PTPRR: variants seen among roughly 807,000 people sequenced by gnomAD.
The protein encoded by PTPRR is protein tyrosine phosphatase receptor type R.
Under a neutral mutation model 77.2 loss-of-function variants are expected in PTPRR, and 38 were observed. The observed-to-expected ratio is 0.49, with a 90% confidence interval of 0.38 to 0.65. The LOEUF (loss-of-function observed/expected upper bound fraction) is 0.65. PTPRR is among the 30% of genes least tolerant of loss of function. PTPRR has a pLI of 0.00. For missense variants in PTPRR, 744 were observed against 799.2 expected (o/e 0.93, Z 0.83); for synonymous variants, 299 against 283.1 (o/e 1.06, Z -0.57).
At chr12:70,751,168 C>T (rs369925529) in intron 5 of PTPRR, among the ~76,000 whole-genome samples, 1 of 152,186 alleles carries the variant, frequency 6.6e-6, no homozygotes, top group South Asian at 2.1e-4. Flanking sequence ...ACGTGTCCCT[C>T]TCCCAGGAAA....
At chr12:70,795,574 T>G (rs551397797) in intron 2 of PTPRR, among the ~76,000 whole-genome samples, 9 of 152,370 alleles carry the variant, frequency 5.9e-5, no homozygotes, top group Non-Finnish European at 1.2e-4. Flanking sequence ...TCATTTATTA[T>G]TTATACAGTC....
chr12:70,701,766 A>C (rs1004055626), intron 6 of PTPRR, among the ~76,000 whole-genome samples: 2 of 152,050 alleles, frequency 1.3e-5, no homozygotes, highest in South Asian at 2.1e-4. Context: ...TGAGTTCAGG[A>C]GTTCAAGACC....
chr12:70,877,246 A>G (rs2137099217), intron 2 of PTPRR, among the ~76,000 whole-genome samples: 1 of 152,250 alleles, frequency 6.6e-6, no homozygotes, highest in Middle Eastern at 3.4e-3. Context: ...ACTTAAACTG[A>G]AGTGTGAAGG....
intron 10 of PTPRR, among the ~76,000 whole-genome samples, chr12:70,678,290 C>T (rs1887525044): frequency 6.6e-6 from 1 of 152,204 alleles, no homozygotes; most frequent in African/African-American, 2.4e-5. Context: ...ATCTGGCTGC[C>T]TCGGCCTGCC....
intron 2 of PTPRR, among the ~76,000 whole-genome samples, chr12:70,873,996 G>A (rs1194344012): frequency 6.6e-6 from 1 of 152,034 alleles, no homozygotes; most frequent in African/African-American, 2.4e-5. Flanking sequence ...GTGCTAAGTG[G>A]GTTCTGAGGC....
intron 10 of PTPRR, chr12:70,672,367 A>G (rs1282983046): frequency 2.9e-6 from 4 of 1,368,572 alleles, no homozygotes; most frequent in African/African-American, 2.9e-5. Flanking sequence ...TGGTCCTCCC[A>G]TCAGAGAGCC....
chr12:70,737,319 C>T (rs887445390), intron 6 of PTPRR, among the ~76,000 whole-genome samples: 3 of 151,992 alleles, frequency 2.0e-5, no homozygotes, highest in Non-Finnish European at 4.4e-5. Context: ...TAATAAGCTT[C>T]CCCTGAGAGC....
At chr12:70,669,990 A>G (rs1887159638) in intron 10 of PTPRR, among the ~76,000 whole-genome samples, 1 of 152,160 alleles carries the variant, frequency 6.6e-6, no homozygotes, top group Non-Finnish European at 1.5e-5. Flanking sequence ...ATTTTCTATA[A>G]TTTTAGCAGA....
chr12:70,703,386 A>G (rs1888503738), intron 6 of PTPRR, among the ~76,000 whole-genome samples: 1 of 152,122 alleles, frequency 6.6e-6, no homozygotes, highest in East Asian at 1.9e-4. Context: ...GATGCTCATA[A>G]AATCCTGCCT....
intron 8 of PTPRR, among the ~76,000 whole-genome samples, chr12:70,693,308 G>A (rs1339099725): frequency 6.6e-6 from 1 of 151,960 alleles, no homozygotes; most frequent in African/African-American, 2.4e-5. Flanking sequence ...ATTCAGAGAG[G>A]GGAGTCTCAC....
chr12:70,730,966 G>T (rs1247168419), intron 6 of PTPRR, among the ~76,000 whole-genome samples: 2 of 149,198 alleles, frequency 1.3e-5, no homozygotes, highest in Non-Finnish European at 3.0e-5. Flanking sequence ...AAAGAGAGAG[G>T]AAGTGAGGAG....
At chr12:70,852,651 G>GT (rs1453935493) in intron 2 of PTPRR, among the ~76,000 whole-genome samples, 1 of 152,188 alleles carries the variant, frequency 6.6e-6, no homozygotes, top group Non-Finnish European at 1.5e-5. Context: ...AGAAGAGGCA[G>GT]TATTAGTGTG....
At chr12:70,771,602 T>C (rs775508003) in intron 2 of PTPRR, among the ~76,000 whole-genome samples, 2 of 152,202 alleles carry the variant, frequency 1.3e-5, no homozygotes, top group Non-Finnish European at 2.9e-5. Flanking sequence ...TTTGTCTAGT[T>C]ATAATAAAAA....
At chr12:70,702,183 C>T (rs1179049215) in intron 6 of PTPRR, among the ~76,000 whole-genome samples, 1 of 152,022 alleles carries the variant, frequency 6.6e-6, no homozygotes, top group East Asian at 1.9e-4. Context: ...CGCTGGGGGG[C>T]AAGGGGATGC....
intron 2 of PTPRR, among the ~76,000 whole-genome samples, chr12:70,828,327 T>G (rs1892152476): frequency 6.6e-6 from 1 of 152,196 alleles, no homozygotes; most frequent in Admixed American, 6.5e-5. Flanking sequence ...TTTTGGTTCT[T>G]CAGCCCCTGA....
intron 2 of PTPRR, among the ~76,000 whole-genome samples, chr12:70,787,985 C>T (rs943141061): frequency 6.6e-6 from 1 of 152,104 alleles, no homozygotes; most frequent in Non-Finnish European, 1.5e-5. Flanking sequence ...TATTTTTAAT[C>T]TTTGTTGTCC....
intron 10 of PTPRR, among the ~76,000 whole-genome samples, chr12:70,677,704 A>G (rs1286291463): frequency 2.0e-5 from 3 of 152,188 alleles, no homozygotes; most frequent in African/African-American, 4.8e-5. Context: ...GTGATGTATC[A>G]TATTTATTAG....
intron 11 of PTPRR, among the ~76,000 whole-genome samples, chr12:70,661,423 C>T (rs1188919578): frequency 6.6e-6 from 1 of 151,824 alleles, no homozygotes; most frequent in Admixed American, 6.6e-5. Flanking sequence ...AAAATGTAGC[C>T]AAGAAAGAAT....
chr12:70,762,766 A>T (rs148154352), intron 3 of PTPRR, among the ~76,000 whole-genome samples: 174 of 152,324 alleles, frequency 1.1e-3, no homozygotes, highest in African/African-American at 4.0e-3. Flanking sequence ...ACATACATGG[A>T]ATATGGCCAC....
Sources: allele counts gnomAD v4.1 joint callset (sites outside exome capture counted in the v4.1 genomes callset), GRCh38; gene constraint gnomAD v4.1.1; transcripts MANE v1.5; gene names NCBI Gene and HGNC (gene_info 2026-07-23, HGNC 2026-07-21).